BCL2L14: variants seen among roughly 807,000 people sequenced by gnomAD.
BCL2L14 encodes the protein apoptosis facilitator Bcl-2-like protein 14.
Under a neutral mutation model 35.3 loss-of-function variants are expected in BCL2L14, and 27 were observed. The ratio of observed to expected loss-of-function variants is 0.76; its 90% CI spans 0.56 to 1.05. The LOEUF is 1.05. Among genes scored for constraint, BCL2L14 ranks in the 50% least tolerant of loss-of-function variants. The pLI, the probability that BCL2L14 is intolerant of heterozygous loss-of-function variation, is 0.00. For synonymous variants in BCL2L14, 139 were observed against 145.9 expected (o/e 0.95, Z 0.34); for missense variants, 377 against 382.6 (o/e 0.99, Z 0.12).
chr12:12,087,554 G>C (rs1051065767), intron 3 of BCL2L14, among the ~76,000 whole-genome samples, 168 bp downstream of exon 3: 1 of 152,222 alleles, frequency 6.6e-6, no homozygotes, highest in Non-Finnish European at 1.5e-5. Flanking sequence ...ACCAGCCCAA[G>C]GCAAGGGGGC....
At chr12:12,066,381 A>T (rs1948594285), upstream of BCL2L14, among the ~76,000 whole-genome samples, 1 of 152,188 alleles carries the variant, frequency 6.6e-6, no homozygotes, top group Non-Finnish European at 1.5e-5. Flanking sequence ...AAATCTGCTC[A>T]TCTGGCCTTT....
At chr12:12,056,239 C>T (rs879236962) in intron 2 of BCL2L14, among the ~76,000 whole-genome samples, 3 of 152,152 alleles carry the variant, frequency 2.0e-5, no homozygotes, top group East Asian at 1.9e-4. Flanking sequence ...GCGATAGTCC[C>T]GGATAAAATC....
intron 5 of BCL2L14, chr12:12,096,025 C>G: frequency 3.0e-6 from 3 of 985,308 alleles, no homozygotes; most frequent in Non-Finnish European, 3.6e-6. Flanking sequence ...ACCTATTCTT[C>G]TTTCCAGGAT....
intron 1 of BCL2L14, among the ~76,000 whole-genome samples, chr12:12,075,796 T>A (rs1948768856): frequency 6.6e-6 from 1 of 152,106 alleles, no homozygotes; most frequent in African/African-American, 2.4e-5. Context: ...GCCATTTATT[T>A]GTTGAAGAAA....
intron 4 of BCL2L14, among the ~76,000 whole-genome samples, chr12:12,092,320 G>T (rs2430610): frequency 0.23 from 35,533 of 152,200 alleles, 4,532 homozygotes; most frequent in East Asian, 0.36. Flanking sequence ...CTCTTAAGGA[G>T]TTTGGACATT....
At chr12:12,065,570 A>G (rs1012635838) in intron 2 of BCL2L14, among the ~76,000 whole-genome samples, 1 of 151,856 alleles carries the variant, frequency 6.6e-6, no homozygotes, top group Non-Finnish European at 1.5e-5. Context: ...GTGACAAGAC[A>G]AAGGGAAAGA....
At chr12:12,075,433 CTTTT>C (rs139459317) in intron 1 of BCL2L14, among the ~76,000 whole-genome samples, 37,238 of 105,030 alleles carry the variant, frequency 0.35, 4,934 homozygotes, top group East Asian at 0.59. Flanking sequence ...TTCTTTCTTT[CTTTT>C]TTTTTTGAGA....
intron 5 of BCL2L14, 57 bp downstream of exon 5, chr12:12,094,987 A>G: frequency 6.8e-7 from 1 of 1,465,684 alleles, no homozygotes; most frequent in Non-Finnish European, 9.0e-7. Context: ...GATGGGATGG[A>G]TTTTTTTTTT....
intron 1 of BCL2L14, 128 bp from the exon 2 acceptor site, chr12:12,079,171 C>T: frequency 5.1e-6 from 4 of 786,454 alleles, no homozygotes; most frequent in Non-Finnish European, 8.1e-6. Flanking sequence ...TTTTCCCTCT[C>T]TACCCTCCAG....
chr12:12,079,749 G>T lies in BCL2L14; in HGVS notation c.433+11G>T. ...GCTTGGAGCATGAAGGTAGGCATCT[G>T]GGATTTCTTTCTCTCCCGCTTCCTG... On this transcript the variant is annotated intron_variant, in intron 2 of 5. Transcript: ENST00000308721. 1 of 1,605,598 alleles carries T rather than the reference G, an allele frequency of 6.2e-7. No individual in the cohort carries two copies. Among genetic ancestry groups the T allele is most frequent in the South Asian group, 1.1e-5 (1 of 90,070 alleles).
chr12:12,093,415 T>C (rs192673806), intron 4 of BCL2L14, among the ~76,000 whole-genome samples: 2 of 152,208 alleles, frequency 1.3e-5, no homozygotes, highest in Admixed American at 1.3e-4. Context: ...GGAGGATCGC[T>C]TGAGGCCAGG....
chr12:12,081,576 T>C (rs1948925956), intron 2 of BCL2L14, among the ~76,000 whole-genome samples: 1 of 151,576 alleles, frequency 6.6e-6, no homozygotes, highest in Admixed American at 6.6e-5. Flanking sequence ...TTAAGGTGTT[T>C]TAGATGGAGT....
At chr12:12,096,123 C>T in intron 5 of BCL2L14, 1 of 985,340 alleles carries the variant, frequency 1.0e-6, no homozygotes, top group Non-Finnish European at 1.2e-6. Flanking sequence ...AGTCTCTAAT[C>T]TCCAGCACTT....
intron 2 of BCL2L14, among the ~76,000 whole-genome samples, chr12:12,081,793 G>A (rs1948930901): frequency 1.3e-5 from 2 of 151,996 alleles, no homozygotes; most frequent in African/African-American, 4.8e-5. Flanking sequence ...TCCTGACCTC[G>A]TGATCTGCCC....
intron 5 of BCL2L14, among the ~76,000 whole-genome samples, chr12:12,097,585 T>C (rs1949343367): frequency 1.3e-5 from 2 of 152,236 alleles, no homozygotes; most frequent in African/African-American, 4.8e-5. Context: ...GGAGTGATGA[T>C]AATGTCCTAA....
intron 5 of BCL2L14, chr12:12,096,209 A>T: frequency 1.1e-6 from 1 of 938,858 alleles, no homozygotes; most frequent in Non-Finnish European, 1.3e-6. Flanking sequence ...CATTTTAAAA[A>T]TCATTGTTAG....
At chr12:12,051,828 T>C in exon 2 of BCL2L14, 1 of 152,182 alleles carries the variant, frequency 6.6e-6, no homozygotes, top group Non-Finnish European at 1.5e-5. Flanking sequence ...GCATAGGTGA[T>C]GGACACTAAA....
intron 1 of BCL2L14, among the ~76,000 whole-genome samples, chr12:12,074,073 CA>C (rs940664502): frequency 1.8e-4 from 28 of 152,218 alleles, no homozygotes; most frequent in African/African-American, 6.7e-4. Flanking sequence ...TGTCTTTTAG[CA>C]TATAATATTT....
chr12:12,069,527 G>A (rs990289909), upstream of BCL2L14, among the ~76,000 whole-genome samples: 12 of 149,200 alleles, frequency 8.0e-5, no homozygotes, highest in East Asian at 2.0e-4. Context: ...GTGAAACCCC[G>A]TCTCTACTAA....
Sources: gnomAD v4.1 joint callset for allele counts (sites outside exome capture counted in the v4.1 genomes callset) on GRCh38, gnomAD v4.1.1 for gene constraint, MANE v1.5 for transcripts, NCBI Gene and HGNC (gene_info 2026-07-23, HGNC 2026-07-21) for gene names.